TAX1BP1: variants seen among roughly 807,000 people sequenced by gnomAD.
TAX1BP1 encodes tax1-binding protein 1.
TAX1BP1 carries 62 observed loss-of-function variants against 97.7 expected under a neutral mutation model. That is an observed-to-expected ratio of 0.63 (90% CI 0.52 to 0.78). TAX1BP1 has a LOEUF of 0.78. Among genes scored for constraint, TAX1BP1 ranks in the 30% least tolerant of loss-of-function variants. TAX1BP1 has a pLI of 0.00. For synonymous variants in TAX1BP1, 340 were observed against 304.2 expected (o/e 1.12, Z -1.23); for missense variants, 867 against 916.1 (o/e 0.95, Z 0.69).
Position 27,758,069 on chromosome 7 carries a change from A to T in TAX1BP1, c.201A>T (p.Leu67Phe). 3 of 1,612,094 alleles carry T rather than the reference A, an allele frequency of 1.9e-6. No homozygotes were observed. The highest frequency in any genetic ancestry group is 2.5e-6 in the Non-Finnish European group (3 of 1,179,152). The change falls in exon 3 of 17, where the codon TTA becomes TTT. Residue 67 changes from leucine to phenylalanine, a missense_variant. Leu to Phe is a conservative substitution (Grantham distance 22). Transcript: ENST00000396319. ...CTGCTCGTGATTATTACACGTTTTTATGGTCCCCTATGCCTGAACATTATG... is the reference window on the plus strand; with the variant it reads ...CTGCTCGTGATTATTACACGTTTTTTTGGTCCCCTATGCCTGAACATTATG... ...WSTARDYYTF[L>F]WSPMPEHYVE... is the part of the protein sequence containing the mutation.
At chr7:27,760,679 C>T (rs1313927307) in intron 3 of TAX1BP1, among the ~76,000 whole-genome samples, 1 of 152,186 alleles carries the variant, frequency 6.6e-6, no homozygotes, top group Non-Finnish European at 1.5e-5. Context: ...CAGGCATGAG[C>T]CGCCGCACCT....
At chr7:27,783,746 A>G (rs1053844033) in intron 5 of TAX1BP1, among the ~76,000 whole-genome samples, 2 of 152,154 alleles carry the variant, frequency 1.3e-5, no homozygotes, top group African/African-American at 4.8e-5. Context: ...GTGCCAAGAG[A>G]GCACTGGTGG....
intron 3 of TAX1BP1, among the ~76,000 whole-genome samples, chr7:27,763,678 G>A (rs1474665519): frequency 2.0e-5 from 3 of 151,980 alleles, no homozygotes; most frequent in Non-Finnish European, 4.4e-5. Context: ...TGACGCAGGG[G>A]AATTGCTTGA....
rs76625397 is a variant in TAX1BP1, at chr7:27,806,415, A to G, written c.1764+6325A>G. On this transcript the variant is annotated intron_variant, in intron 13 of 16. Transcript: ENST00000396319. ...TTTTTAACATTAAAATTTCTTATCC[A>G]TTTAGAATTTATTCTTGGATATCAC... Among the ~76,000 whole-genome samples, 1,125 of 151,272 alleles carry G rather than the reference A, an allele frequency of 7.4e-3. 16 individuals are homozygous for G. The highest frequency in any genetic ancestry group is 0.026 in the African/African-American group (1,070 of 41,212).
intron 15 of TAX1BP1, among the ~76,000 whole-genome samples, chr7:27,823,591 T>C (rs1791060940): frequency 1.3e-5 from 2 of 152,214 alleles, no homozygotes. Context: ...TGAGTATGTA[T>C]TGCCATAACT....
intron 8 of TAX1BP1, among the ~76,000 whole-genome samples, chr7:27,789,524 CCTT>C (rs1187317653): frequency 4.0e-5 from 6 of 151,640 alleles, no homozygotes; most frequent in African/African-American, 1.2e-4. Flanking sequence ...GTACATACAT[CCTT>C]CTTTATCCTC....
At chr7:27,749,452 A>AAAT (rs1787944639) in intron 2 of TAX1BP1, among the ~76,000 whole-genome samples, 1 of 152,188 alleles carries the variant, frequency 6.6e-6, no homozygotes, top group African/African-American at 2.4e-5. Context: ...GTTTTATTTT[A>AAAT]GTTAAGATTT....
chr7:27,762,398 C>G (rs2128310592), intron 3 of TAX1BP1, among the ~76,000 whole-genome samples: 1 of 151,932 alleles, frequency 6.6e-6, no homozygotes, highest in East Asian at 1.9e-4. Context: ...AATAAGTTAA[C>G]TGCCAGGTTA....
chr7:27,768,035 T>C (rs1788706892), intron 4 of TAX1BP1, among the ~76,000 whole-genome samples: 1 of 151,974 alleles, frequency 6.6e-6, no homozygotes, highest in South Asian at 2.1e-4. Context: ...GATTGTGTCC[T>C]AGATTTAAAA....
intron 16 of TAX1BP1, 25 bp from the exon 17 acceptor site, chr7:27,828,603 T>C (rs1193985493): frequency 1.2e-6 from 2 of 1,602,426 alleles, no homozygotes; most frequent in Admixed American, 1.7e-5. Context: ...TAGAAACATG[T>C]AATTCTTTCA....
intron 5 of TAX1BP1, among the ~76,000 whole-genome samples, chr7:27,784,705 A>G (rs1380134116): frequency 1.3e-5 from 2 of 152,146 alleles, no homozygotes; most frequent in East Asian, 1.9e-4. Flanking sequence ...GAAAATGTAT[A>G]TAAATAAACG....
intron 2 of TAX1BP1, among the ~76,000 whole-genome samples, chr7:27,753,078 T>C (rs1178418782): frequency 1.3e-5 from 2 of 152,046 alleles, no homozygotes; most frequent in African/African-American, 4.8e-5. Context: ...AGTGGGCAGA[T>C]CACTTCAGGT....
At chr7:27,805,433 A>G (rs979053751) in intron 13 of TAX1BP1, among the ~76,000 whole-genome samples, 2 of 148,830 alleles carry the variant, frequency 1.3e-5, no homozygotes, top group Admixed American at 6.7e-5. Flanking sequence ...ACTTTTGACT[A>G]TGCTCACTAT....
At chr7:27,792,341 ATT>A (rs1789751217) in intron 9 of TAX1BP1, 111 bp downstream of exon 9, 10 of 1,027,998 alleles carry the variant, frequency 9.7e-6, no homozygotes, top group Non-Finnish European at 1.1e-5. Context: ...CTTATTTTAA[ATT>A]TAAAATTTTC....
In TAX1BP1 at chr7:27,748,646, A is replaced by G. The variant is rs758522444; in HGVS notation, c.122A>G (p.Tyr41Cys). Residue 41 changes from tyrosine to cysteine, a missense_variant, in exon 2 of 17, where the codon TAT (tyrosine) becomes TGT (cysteine). Around this residue, in one of 3 missense-constraint regions of TAX1BP1, gnomAD observed 822 missense variants for 851.4 expected, o/e 0.97. Transcript: ENST00000396319. ...HLECHYTLTP[Y>C]IHPHPKDWVG... The stretch of plus-strand genomic sequence containing the variant: ...GAATGTCATTACACCTTAACTCCAT[A>G]TATTCATCCACATCCAAAAGATTGG... 60 of 1,573,512 alleles carry G rather than the reference A, an allele frequency of 3.8e-5. No individual in the cohort carries two copies. Among genetic ancestry groups the G allele is most frequent in the Middle Eastern group, 1.7e-4 (1 of 5,922 alleles).
chr7:27,793,510 T>C (rs1254079848), intron 10 of TAX1BP1, among the ~76,000 whole-genome samples: 2 of 152,186 alleles, frequency 1.3e-5, no homozygotes, highest in African/African-American at 2.4e-5. Flanking sequence ...ACTCAATACT[T>C]ATTATTGACT....
At chr7:27,811,953 T>C (rs1273141286) in intron 13 of TAX1BP1, among the ~76,000 whole-genome samples, 4 of 152,244 alleles carry the variant, frequency 2.6e-5, no homozygotes, top group Non-Finnish European at 5.9e-5. Context: ...AATGCTGCTA[T>C]GAACATTCTT....
intron 15 of TAX1BP1, among the ~76,000 whole-genome samples, chr7:27,824,880 C>T (rs191992269): frequency 1.4e-3 from 207 of 151,128 alleles, no homozygotes; most frequent in Middle Eastern, 0.014. Flanking sequence ...TATTTCAGTA[C>T]GGTATTCTCA....
chr7:27,826,071 C>T (rs996976812), intron 15 of TAX1BP1, among the ~76,000 whole-genome samples: 2 of 152,044 alleles, frequency 1.3e-5, no homozygotes, highest in Admixed American at 6.6e-5. Flanking sequence ...AATCTGGGAG[C>T]TAGAGTAACC....
Sources: allele counts gnomAD v4.1 joint callset (sites outside exome capture counted in the v4.1 genomes callset), GRCh38; gene constraint gnomAD v4.1.1; regional missense constraint gnomAD v4.1.1; transcripts MANE v1.5; gene names NCBI Gene and HGNC (gene_info 2026-07-23, HGNC 2026-07-21).